The following SAMHD1 variants were observed in gnomAD, a reference collection of about 807,000 sequenced individuals.
SAMHD1 encodes the protein SAM and HD domain containing deoxynucleoside triphosphate triphosphohydrolase 1.
SAMHD1 carries 54 observed loss-of-function variants against 79.6 expected under a neutral mutation model. The observed-to-expected ratio is 0.68, with a 90% CI of 0.55 to 0.85. The LOEUF is 0.85. Ranked by LOEUF, SAMHD1 falls within the 40% of genes least tolerant of loss-of-function variation. The pLI is 0.00. For missense variants in SAMHD1, 663 were observed against 782.7 expected (o/e 0.85, Z 1.82); for synonymous variants, 260 against 264.1 (o/e 0.98, Z 0.15).
intron 3 of SAMHD1, among the ~76,000 whole-genome samples, chr20:36,937,771 C>A (rs1434558586): frequency 2.6e-5 from 4 of 151,658 alleles, no homozygotes; most frequent in Non-Finnish European, 4.4e-5. Flanking sequence ...GTATTGATTT[C>A]ATTACTAAGC....
At chr20:36,905,722 G>A (rs1190739370) in intron 11 of SAMHD1, among the ~76,000 whole-genome samples, 1 of 152,156 alleles carries the variant, frequency 6.6e-6, no homozygotes, top group African/African-American at 2.4e-5. Flanking sequence ...TGCAATCCCA[G>A]CACTCTGAGA....
At chr20:36,896,194 G>A (rs1393198542) in intron 15 of SAMHD1, among the ~76,000 whole-genome samples, 3 of 151,744 alleles carry the variant, frequency 2.0e-5, no homozygotes, top group Non-Finnish European at 4.4e-5. Flanking sequence ...GGATAGTCTT[G>A]ATCTCCTGAC....
chr20:36,918,896 G>C (rs2063490413), intron 7 of SAMHD1, among the ~76,000 whole-genome samples: 1 of 151,360 alleles, frequency 6.6e-6, no homozygotes, highest in African/African-American at 2.4e-5. Flanking sequence ...AGCACTTTCA[G>C]AGGCAGAGCT....
intron 11 of SAMHD1, among the ~76,000 whole-genome samples, chr20:36,910,969 C>A (rs2063435502): frequency 6.6e-6 from 1 of 152,002 alleles, no homozygotes; most frequent in Admixed American, 6.6e-5. Flanking sequence ...AAAATCGTTC[C>A]ATCGGCTGTG....
chr20:36,926,481 T>A (rs1005109614), intron 6 of SAMHD1, among the ~76,000 whole-genome samples: 6 of 152,112 alleles, frequency 3.9e-5, no homozygotes, highest in Admixed American at 1.3e-4. Flanking sequence ...GATGAAAATG[T>A]TCTATATCCT....
intron 6 of SAMHD1, among the ~76,000 whole-genome samples, chr20:36,926,717 C>A (rs1202771081): frequency 1.3e-5 from 2 of 152,076 alleles, no homozygotes; most frequent in Non-Finnish European, 2.9e-5. Context: ...AAAATTGATT[C>A]CAAAATATGG....
intron 5 of SAMHD1, among the ~76,000 whole-genome samples, chr20:36,927,695 G>A (rs1015723387): frequency 9.9e-5 from 15 of 152,100 alleles, no homozygotes; most frequent in Non-Finnish European, 4.4e-5. Flanking sequence ...TCACAAAAAG[G>A]GACAAACCCT....
intron 13 of SAMHD1, among the ~76,000 whole-genome samples, chr20:36,899,784 A>G (rs2148356860): frequency 6.6e-6 from 1 of 152,278 alleles, no homozygotes; most frequent in South Asian, 2.1e-4. Context: ...ACAGAAAAAA[A>G]GGTTCAGGAG....
Position 36,905,367 on chromosome 20 carries a change from TTTAATC to T in SAMHD1, c.1401_1406del (p.Ile468_Lys469del), listed in dbSNP as rs767953132. ...GGAAAGATGCCTGATAACTCACCCT[TTTAATC>T]TTTATTTGTCCTGTTGGCTGCGTCT... On this transcript the variant is annotated inframe_deletion, in exon 12 of 16. Coordinates refer to ENST00000646673, the MANE Select transcript of SAMHD1 (RefSeq NM_015474.4). 3.7e-6 allele frequency: 6 copies of T among 1,614,074 alleles called. No homozygotes were observed. The Admixed American group carries it at 5.0e-5, about 13-fold the overall frequency.
chr20:36,931,553 C>T (rs1489733287), intron 4 of SAMHD1, among the ~76,000 whole-genome samples: 1 of 152,076 alleles, frequency 6.6e-6, no homozygotes, highest in Non-Finnish European at 1.5e-5. Flanking sequence ...AGGAGAATTG[C>T]TTGAACCCAA....
chr20:36,899,996 A>C (rs1052984190), intron 13 of SAMHD1, among the ~76,000 whole-genome samples: 6 of 151,120 alleles, frequency 4.0e-5, no homozygotes, highest in Non-Finnish European at 8.8e-5. Context: ...CAGGAGGCTG[A>C]GGCAGGAGAA....
chr20:36,904,146 T>C lies in SAMHD1; in HGVS notation c.1503+11A>G, dbSNP rs1231779966. The C allele has an allele frequency of 8.3e-6, 13 of 1,566,140 alleles. No individual in the cohort carries two copies. Among genetic ancestry groups the C allele is most frequent in the Non-Finnish European group, 1.1e-5 (13 of 1,136,354 alleles). On this transcript the variant is annotated intron_variant, in intron 13 of 15. Transcript: ENST00000646673. ...GTATTCACTCAGTTTATTACTGGGCTAATTACTTACATCCACTATAAAATC... is the reference window on the plus strand; with the variant it reads ...GTATTCACTCAGTTTATTACTGGGCCAATTACTTACATCCACTATAAAATC...
intron 12 of SAMHD1, 64 bp downstream of exon 12, chr20:36,905,300 T>C: frequency 6.6e-7 from 1 of 1,525,576 alleles, no homozygotes; most frequent in South Asian, 1.1e-5. Flanking sequence ...CACGATAGGT[T>C]AGTGGTCTCC....
chr20:36,898,672 G>A lies in SAMHD1; in HGVS notation c.1504-128C>T. 4 of 725,194 alleles carry A rather than the reference G, an allele frequency of 5.5e-6. No homozygotes were observed. In the South Asian group the frequency reaches 5.8e-5, roughly 11 times the overall value. The allele number at this position is 725,194 out of a possible 1,614,324, so 44.9% of individuals were successfully genotyped here. A position where few individuals can be genotyped will look rare whatever the true frequency, so the allele number is the denominator to read the frequency against. ...CTCATGCCTATAATCCCAGCACTTT[G>A]GGAGGCCAAGGTGGGTGAATCACGA... On this transcript the variant is annotated intron_variant, in intron 13 of 15. Coordinates refer to ENST00000646673, the MANE Select transcript of SAMHD1 (RefSeq NM_015474.4).
At chr20:36,929,923 T>G (rs987826296) in intron 5 of SAMHD1, among the ~76,000 whole-genome samples, 5 of 151,982 alleles carry the variant, frequency 3.3e-5, no homozygotes, top group African/African-American at 1.2e-4. Context: ...AAATGGTGAT[T>G]TTATTTGATA....
chr20:36,913,332 G>A (rs1020771939), intron 9 of SAMHD1, among the ~76,000 whole-genome samples: 6 of 151,016 alleles, frequency 4.0e-5, no homozygotes, highest in African/African-American at 1.5e-4. Context: ...GGCCAGGTGC[G>A]ATGGCTCATG....
At chr20:36,944,008 G>A (rs555737576) in intron 2 of SAMHD1, among the ~76,000 whole-genome samples, 5 of 145,882 alleles carry the variant, frequency 3.4e-5, no homozygotes, top group African/African-American at 1.3e-4. Context: ...AATCTGGGAG[G>A]TGGAGGTTGC....
chr20:36,948,122 G>A (rs369533321), intron 1 of SAMHD1, among the ~76,000 whole-genome samples: 3 of 152,076 alleles, frequency 2.0e-5, no homozygotes, highest in African/African-American at 7.2e-5. Context: ...ATACATCATC[G>A]GTAAAATGTG....
At chr20:36,937,276 C>G (rs187380154) in intron 3 of SAMHD1, among the ~76,000 whole-genome samples, 36 of 152,228 alleles carry the variant, frequency 2.4e-4, no homozygotes, top group African/African-American at 8.7e-4. Flanking sequence ...ATAAAGAACA[C>G]TGTGTCAAGA....
Sources: gnomAD v4.1 joint callset for allele counts (sites outside exome capture counted in the v4.1 genomes callset) on GRCh38, gnomAD v4.1.1 for gene constraint, MANE v1.5 for transcripts, NCBI Gene and HGNC (gene_info 2026-07-23, HGNC 2026-07-21) for gene names.